Variants in DYNC2I1 observed in about 807,000 individuals in gnomAD.
DYNC2I1 encodes dynein 2 intermediate chain 1.
In DYNC2I1, 89 loss-of-function variants were observed where a neutral mutation model predicts 133.4. That is an observed-to-expected ratio of 0.67 (90% CI 0.56 to 0.80). The LOEUF (loss-of-function observed/expected upper bound fraction) is 0.80, where lower values mean the gene tolerates loss of function less well. Ranked by LOEUF, DYNC2I1 falls within the 30% of genes least tolerant of loss-of-function variation. DYNC2I1 has a pLI of 0.00. For synonymous variants in DYNC2I1, 504 were observed against 484.3 expected (o/e 1.04, Z -0.54); for missense variants, 1,291 against 1,314.5 (o/e 0.98, Z 0.28).
rs1441546224 is a variant in DYNC2I1 at position 158,906,028 on chromosome 7, T to C, written c.1397T>C (p.Ile466Thr). The change falls in exon 11 of 25, where the codon ATT becomes ACT. Residue 466 changes from isoleucine (I) to threonine (T), a missense_variant. Ile to Thr is a moderately conservative substitution (Grantham distance 89). Coordinates refer to ENST00000407559, the MANE Select transcript of DYNC2I1 (RefSeq NM_018051.5). ...CCTTCCAGAGCCTCTGTTTGTGGAA[T>C]TTTTGTGGATTTTGCCTCAGCTTCA... ...SSPSRASVCG[I>T]FVDFASASHR... The C allele has an allele frequency of 5.0e-6, 8 of 1,613,760 alleles. No homozygotes were observed. The highest frequency in any genetic ancestry group is 5.1e-6 in the Non-Finnish European group (6 of 1,179,846).
chr7:158,854,457 C>T (rs1388173556), upstream of DYNC2I1, among the ~76,000 whole-genome samples: 1 of 143,860 alleles, frequency 7.0e-6, no homozygotes, highest in Non-Finnish European at 1.5e-5. Context: ...ACAATGAGAA[C>T]ACATGGACAC....
At chr7:158,926,591 T>C in intron 19 of DYNC2I1, 128 bp downstream of exon 19, 2 of 1,060,320 alleles carry the variant, frequency 1.9e-6, no homozygotes, top group Non-Finnish European at 2.8e-6. Flanking sequence ...AAGACTGGGC[T>C]TCTTGGTCCT....
At chr7:158,893,385 T>G (rs1027951604) in intron 8 of DYNC2I1, among the ~76,000 whole-genome samples, 1 of 152,210 alleles carries the variant, frequency 6.6e-6, no homozygotes, top group Non-Finnish European at 1.5e-5. Flanking sequence ...AGTATCGTGA[T>G]TTGAAAATGC....
At chr7:158,886,991 G>A (rs1844670458) in intron 6 of DYNC2I1, 30 bp from the exon 7 acceptor site, 3 of 1,604,246 alleles carry the variant, frequency 1.9e-6, no homozygotes, top group Non-Finnish European at 1.7e-6. Flanking sequence ...TTTAAAGTAA[G>A]TTTTGATTTT....
the DYNC2I1 span, among the ~76,000 whole-genome samples, chr7:158,847,419 T>C: frequency 8.5e-5 from 13 of 152,194 alleles, no homozygotes; most frequent in South Asian, 2.1e-4. Flanking sequence ...AAAAATTATA[T>C]AGATTAAACT....
At chr7:158,922,250 G>T in intron 15 of DYNC2I1, 127 bp from the exon 16 acceptor site, 1 of 845,206 alleles carries the variant, frequency 1.2e-6, no homozygotes, top group Non-Finnish European at 1.9e-6. Context: ...CATGTATGTT[G>T]GTTTCGAAAG....
rs1850497038 is a variant in DYNC2I1, at chr7:158,934,053, A to G, written c.2547-76A>G. On this transcript the variant is annotated intron_variant, in intron 21 of 24. Coordinates refer to ENST00000407559, the MANE Select transcript of DYNC2I1 (RefSeq NM_018051.5). ...TTATACATCGATGTATTGTAGTGCA[A>G]ATCAGTGTTAATACCATCATTATTC... 7 of 1,016,342 alleles carry G rather than the reference A, an allele frequency of 6.9e-6. No individual in the cohort carries two copies. The South Asian group carries it at 9.9e-5, about 14-fold the overall frequency. 63.0% of individuals were successfully genotyped at this position (1,016,342 alleles called of 1,614,324 possible).
At position 158,871,237 on chromosome 7, in the gene DYNC2I1, G is replaced by A. The variant is rs552390315; in HGVS notation, c.165G>A (p.Pro55=). The A allele has an allele frequency of 8.7e-6, 14 of 1,612,320 alleles. No individual in the cohort carries two copies. Among genetic ancestry groups the A allele is most frequent in the Admixed American group, 1.7e-5 (1 of 59,786 alleles). The change falls in exon 3 of 25, where the codon CCG becomes CCA. Residue 55 remains proline, a synonymous_variant. Coordinates refer to ENST00000407559, the MANE Select transcript of DYNC2I1 (RefSeq NM_018051.5). ...TGGACCTTCCTGAACATAAGGAGCCGAGGTGCAGGGATCCCGACCAGGATG... is the reference window on the plus strand; with the variant it reads ...TGGACCTTCCTGAACATAAGGAGCCAAGGTGCAGGGATCCCGACCAGGATG... The part of the protein sequence containing the change: ...SEMDLPEHKE[P]RCRDPDQDAR...
At chr7:158,934,739 A>T (rs1007608185) in intron 23 of DYNC2I1, among the ~76,000 whole-genome samples, 190 bp downstream of exon 23, 1 of 152,136 alleles carries the variant, frequency 6.6e-6, no homozygotes, top group South Asian at 2.1e-4. Flanking sequence ...GCATGCCACT[A>T]TGCCTGGCTA....
chr7:158,906,974 G>A (rs1244955187), intron 11 of DYNC2I1, among the ~76,000 whole-genome samples: 3 of 152,138 alleles, frequency 2.0e-5, no homozygotes, highest in African/African-American at 7.2e-5. Context: ...GGCCTGAGCA[G>A]CATAGCGAGA....
intron 11 of DYNC2I1, among the ~76,000 whole-genome samples, chr7:158,910,065 C>A (rs1053272438): frequency 1.3e-5 from 2 of 152,144 alleles, no homozygotes; most frequent in Admixed American, 1.3e-4. Context: ...GGCTGTGTGG[C>A]GATAACAGTA....
At chr7:158,858,229 A>G (rs1331788450) in intron 1 of DYNC2I1, among the ~76,000 whole-genome samples, 3 of 152,064 alleles carry the variant, frequency 2.0e-5, no homozygotes, top group Admixed American at 6.6e-5. Context: ...TCTTTAAGTT[A>G]CTCTGTAACT....
chr7:158,923,631 G>A lies in DYNC2I1; in HGVS notation c.2155G>A (p.Gly719Ser), dbSNP rs200093028. 4.3e-6 allele frequency: 7 copies of A among 1,613,842 alleles called. No homozygotes were observed. The highest frequency in any genetic ancestry group is 1.3e-5 in the African/African-American group (1 of 74,894). ...TTTACTGTTTGCCGGAACAGCGCAC[G>A]GCTCAGTTGTCGTCTGGGATTTGAG... ...AFLLFAGTAH[G>S]SVVVWDLRED... The change falls in exon 17 of 25, where the codon GGC (glycine) becomes AGC (serine). Residue 719 changes from glycine (G) to serine (S), a missense_variant. Physicochemically the swap from Gly to Ser is moderately conservative, Grantham distance 56. Transcript: ENST00000407559.
At chr7:158,870,056 G>T in intron 2 of DYNC2I1, 148 bp downstream of exon 2, 1 of 666,696 alleles carries the variant, frequency 1.5e-6, no homozygotes, top group South Asian at 2.2e-5. Context: ...AAGGTGTACG[G>T]CTAACAATCC....
intron 4 of DYNC2I1, among the ~76,000 whole-genome samples, chr7:158,878,156 G>A (rs1388261986): frequency 4.0e-5 from 6 of 148,646 alleles, no homozygotes; most frequent in African/African-American, 1.5e-4. Flanking sequence ...TGTGAGTGCT[G>A]GGCATCATGT....
intron 5 of DYNC2I1, among the ~76,000 whole-genome samples, chr7:158,881,565 T>C (rs994141112): frequency 2.6e-5 from 4 of 152,162 alleles, no homozygotes; most frequent in Non-Finnish European, 4.4e-5. Context: ...GCCATTCTCC[T>C]GCCTCAGCCT....
chr7:158,869,737 T>G, intron 1 of DYNC2I1, 118 bp from the exon 2 acceptor site: 2 of 722,370 alleles, frequency 2.8e-6, no homozygotes, highest in South Asian at 4.0e-5. Context: ...AGAGAAGTAT[T>G]TTCTGGCATG....
intron 13 of DYNC2I1, among the ~76,000 whole-genome samples, 167 bp downstream of exon 13, chr7:158,913,263 C>T (rs1272224873): frequency 6.6e-6 from 1 of 152,168 alleles, no homozygotes; most frequent in East Asian, 1.9e-4. Flanking sequence ...AAACGCTAAC[C>T]AGCAGCCACA....
chr7:158,914,883 C>G (rs1847864529), intron 14 of DYNC2I1, among the ~76,000 whole-genome samples: 1 of 152,172 alleles, frequency 6.6e-6, no homozygotes, highest in African/African-American at 2.4e-5. Flanking sequence ...CAGTATGAAT[C>G]TCAAAAAGCA....
Sources: gnomAD v4.1 joint callset for allele counts (sites outside exome capture counted in the v4.1 genomes callset) on GRCh38, gnomAD v4.1.1 for gene constraint, MANE v1.5 for transcripts, NCBI Gene and HGNC (gene_info 2026-07-23, HGNC 2026-07-21) for gene names.